Variants in CFDP1 observed in about 807,000 individuals in gnomAD.
The protein encoded by CFDP1 is chromatin remodeling protein CFDP1, also known as heterochromatin-stabilizing protein CFDP1.
Under a neutral mutation model 40.1 loss-of-function variants are expected in CFDP1, and 31 were observed. The observed-to-expected ratio is 0.77, with a 90% CI of 0.58 to 1.04. The LOEUF (loss-of-function observed/expected upper bound fraction) is 1.04. Among genes scored for constraint, CFDP1 ranks in the 50% least tolerant of loss-of-function variants. The pLI is 0.00. For missense variants in CFDP1, 423 were observed against 343.4 expected (o/e 1.23, Z -1.83); for synonymous variants, 167 against 120.0 (o/e 1.39, Z -2.56).
At chr16:75,396,289 C>T (rs1287841934) in intron 4 of CFDP1, among the ~76,000 whole-genome samples, 1 of 104,726 alleles carries the variant, frequency 9.5e-6, no homozygotes, top group African/African-American at 2.8e-5. Context: ...CCTGTAATCC[C>T]AGCACTTTGG....
chr16:75,405,615 G>A (rs1018200924), intron 4 of CFDP1, among the ~76,000 whole-genome samples: 38 of 152,192 alleles, frequency 2.5e-4, no homozygotes, highest in Admixed American at 2.0e-3. Context: ...AGCCAGGCAT[G>A]GTGGTGCGTG....
At chr16:75,333,527 G>A (rs1045505514) in intron 5 of CFDP1, among the ~76,000 whole-genome samples, 1 of 152,188 alleles carries the variant, frequency 6.6e-6, no homozygotes. Flanking sequence ...CAGATTTGAA[G>A]AAAGAAAATG....
In CFDP1 at chr16:75,293,779, G is replaced by C. The variant is rs911142004; in HGVS notation, c.*173C>G. 8 of 589,360 alleles carry C rather than the reference G, an allele frequency of 1.4e-5. No individual in the cohort carries two copies. The highest frequency in any genetic ancestry group is 6.3e-5 in the Admixed American group (2 of 31,890). The allele number at this position is 589,360 out of a possible 1,614,324, so 36.5% of individuals were successfully genotyped here. A position where few individuals can be genotyped will look rare whatever the true frequency, so the allele number is the denominator to read the frequency against. On this transcript the variant is annotated 3_prime_UTR_variant, in exon 7 of 7. Coordinates refer to ENST00000283882, the MANE Select transcript of CFDP1 (RefSeq NM_006324.3). ...TTCATTTAAGGACAAATTTTTAAAA[G>C]TAAAGTGAATGAAACCATTTGTGAT...
intron 5 of CFDP1, among the ~76,000 whole-genome samples, chr16:75,355,342 A>C (rs377247674): frequency 1.4e-4 from 21 of 152,344 alleles, no homozygotes; most frequent in African/African-American, 4.1e-4. Flanking sequence ...TTTTACCCAG[A>C]GTAAAACTTA....
At chr16:75,335,619 C>G (rs1174719385) in intron 5 of CFDP1, among the ~76,000 whole-genome samples, 2 of 149,328 alleles carry the variant, frequency 1.3e-5, no homozygotes, top group Non-Finnish European at 3.0e-5. Flanking sequence ...TGCAGTGGCA[C>G]GATCTCGGCT....
chr16:75,342,208 A>T (rs1238874024), intron 5 of CFDP1, among the ~76,000 whole-genome samples: 1 of 152,148 alleles, frequency 6.6e-6, no homozygotes, highest in Non-Finnish European at 1.5e-5. Flanking sequence ...TTTACTTTTT[A>T]CTTTAAGATG....
chr16:75,302,344 T>G (rs924758985), intron 6 of CFDP1, among the ~76,000 whole-genome samples: 1 of 152,190 alleles, frequency 6.6e-6, no homozygotes, highest in Non-Finnish European at 1.5e-5. Context: ...CACTGCAGCC[T>G]CAATCTTCTG....
intron 5 of CFDP1, among the ~76,000 whole-genome samples, chr16:75,337,527 C>T (rs550447391): frequency 6.6e-6 from 1 of 152,308 alleles, no homozygotes; most frequent in South Asian, 2.1e-4. Flanking sequence ...CAAGAACTAC[C>T]AGAGACTGGA....
chr16:75,332,813 CTT>C (rs1222124619), intron 5 of CFDP1, among the ~76,000 whole-genome samples: 5 of 116,564 alleles, frequency 4.3e-5, no homozygotes, highest in African/African-American at 1.6e-4. Flanking sequence ...TTTTTTTTTC[CTT>C]TTTTTTTTTT....
In CFDP1 at chr16:75,305,015, C is replaced by T. The variant is rs759066129; in HGVS notation, c.809+9G>A. On this transcript the variant is annotated intron_variant, in intron 6 of 6. Coordinates refer to ENST00000283882, the MANE Select transcript of CFDP1 (RefSeq NM_006324.3). ...GATTTTCCAAGGCATAAAACCTACT[C>T]CTTCTTACCCCTCTTTCCCTCGATT... The T allele has an allele frequency of 6.2e-6, 10 of 1,613,104 alleles. No individual in the cohort carries two copies. The highest frequency in any genetic ancestry group is 1.3e-5 in the African/African-American group (1 of 74,900).
chr16:75,400,914 G>C (rs2079046412), intron 4 of CFDP1, among the ~76,000 whole-genome samples: 2 of 152,112 alleles, frequency 1.3e-5, no homozygotes, highest in Admixed American at 1.3e-4. Flanking sequence ...GAAAATAGGG[G>C]GAAGTTGTCA....
intron 5 of CFDP1, chr16:75,305,442 GCT>G: frequency 2.5e-6 from 1 of 398,702 alleles, no homozygotes; most frequent in African/African-American, 2.0e-5. Flanking sequence ...ACCTCTGTGG[GCT>G]CTGTGTGGCA....
chr16:75,373,582 A>G (rs1230260217), intron 5 of CFDP1, among the ~76,000 whole-genome samples: 1 of 152,192 alleles, frequency 6.6e-6, no homozygotes, highest in East Asian at 1.9e-4. Context: ...AAAGAGAGGC[A>G]CAGTTTGAAT....
At chr16:75,430,771 G>T (rs372121535) in intron 1 of CFDP1, among the ~76,000 whole-genome samples, 1 of 152,128 alleles carries the variant, frequency 6.6e-6, no homozygotes, top group African/African-American at 2.4e-5. Context: ...TGAGAACACA[G>T]TTTTATCATA....
At chr16:75,305,841 T>C (rs1195729830) in intron 5 of CFDP1, among the ~76,000 whole-genome samples, 1 of 152,180 alleles carries the variant, frequency 6.6e-6, no homozygotes, top group Non-Finnish European at 1.5e-5. Context: ...GGCCCTGTTT[T>C]TTCCAGGAGG....
rs1024723306 is a variant in CFDP1, at chr16:75,367,121, G to A, written c.650+27969C>T. 1.4e-4 allele frequency among the ~76,000 whole-genome samples: 20 copies of A among 143,156 alleles called. 1 individual carries two copies. Among genetic ancestry groups the A allele is most frequent in the Middle Eastern group, 3.8e-3 (1 of 262 alleles). The allele number at this position is 143,156 out of a possible 152,430, so 93.9% of individuals were successfully genotyped here. A position where few individuals can be genotyped will look rare whatever the true frequency, so the allele number is the denominator to read the frequency against. On this transcript the variant is annotated intron_variant, in intron 5 of 6. Coordinates refer to ENST00000283882, the MANE Select transcript of CFDP1 (RefSeq NM_006324.3). ...AGAGGTTGCAGCGAGCCGAGATGGC[G>A]CCACTGCATTCCAGCCTGAGTGACA...
chr16:75,432,431 G>C (rs2079432645), intron 1 of CFDP1, among the ~76,000 whole-genome samples: 1 of 103,764 alleles, frequency 9.6e-6, no homozygotes, highest in Non-Finnish European at 2.3e-5. Flanking sequence ...TGCACCTGCA[G>C]TCCCAGCTAC....
chr16:75,325,239 C>T (rs1283704889), intron 5 of CFDP1, among the ~76,000 whole-genome samples: 1 of 152,238 alleles, frequency 6.6e-6, no homozygotes, highest in African/African-American at 2.4e-5. Flanking sequence ...GGGACAACAT[C>T]TGTCCAGTCC....
chr16:75,342,026 T>C (rs773266254), intron 5 of CFDP1, among the ~76,000 whole-genome samples: 1 of 152,168 alleles, frequency 6.6e-6, no homozygotes, highest in East Asian at 1.9e-4. Flanking sequence ...TTTGTATAGT[T>C]CACACATTCC....
Sources: gnomAD v4.1 joint callset for allele counts (sites outside exome capture counted in the v4.1 genomes callset) on GRCh38, gnomAD v4.1.1 for gene constraint, MANE v1.5 for transcripts, NCBI Gene and HGNC (gene_info 2026-07-23, HGNC 2026-07-21) for gene names.